ALPL: variants seen among roughly 807,000 people sequenced by gnomAD.
The protein encoded by ALPL is alkaline phosphatase, tissue-nonspecific isozyme.
In ALPL, 42 loss-of-function variants were observed where a neutral mutation model predicts 51.3. The observed-to-expected ratio is 0.82, with a 90% confidence interval of 0.64 to 1.06. The LOEUF (loss-of-function observed/expected upper bound fraction) is 1.06, where lower values mean the gene tolerates loss of function less well. Among genes scored for constraint, ALPL ranks in the 50% least tolerant of loss-of-function variants. The pLI is 0.00. For synonymous variants in ALPL, 279 were observed against 296.4 expected, an observed-to-expected ratio of 0.94 and a Z score of 0.60; for missense variants, 589 against 709.4, an observed-to-expected ratio of 0.83 and a Z score of 1.93.
At chr1:21,555,866 G>C (rs1644406450) in intron 2 of ALPL, among the ~76,000 whole-genome samples, 1 of 151,896 alleles carries the variant, frequency 6.6e-6, no homozygotes, top group Admixed American at 6.6e-5. Flanking sequence ...CATCTCCCGG[G>C]TTCACGCCAT....
Position 21,577,462 on chromosome 1 carries a change from C to G in ALPL, c.1389C>G (p.Ser463=), listed in dbSNP as rs1045476437. 1 of 1,611,164 alleles carries G rather than the reference C, an allele frequency of 6.2e-7. No individual in the cohort carries two copies. Among genetic ancestry groups the G allele is most frequent in the Non-Finnish European group, 8.5e-7 (1 of 1,179,948 alleles). ...THGGEDVAVF[S]KGPMAHLLHG... is the part of the protein sequence containing the mutation. The stretch of plus-strand genomic sequence containing the variant: ...GCGGGGAGGACGTGGCCGTCTTCTC[C>G]AAGGGCCCCATGGCGCACCTGCTGC... Residue 463 remains serine, a synonymous_variant, in exon 12 of 12, where the codon TCC becomes TCG. Coordinates refer to ENST00000374840, the MANE Select transcript of ALPL (RefSeq NM_000478.6).
chr1:21,563,416 TCTG>T, intron 5 of ALPL, 132 bp downstream of exon 5: 1 of 1,163,632 alleles, frequency 8.6e-7, no homozygotes, highest in South Asian at 1.6e-5. Flanking sequence ...ATGCTGGGAG[TCTG>T]TAATATCCAT....
At chr1:21,561,671 T>C in intron 4 of ALPL, among the ~76,000 whole-genome samples, 1 of 139,104 alleles carries the variant, frequency 7.2e-6, no homozygotes, top group Non-Finnish European at 1.5e-5. Flanking sequence ...TATGCCTTTT[T>C]TTTTTTTTTT....
In ALPL at chr1:21,577,776, A is replaced by C; in HGVS notation, c.*128A>C. On this transcript the variant is annotated 3_prime_UTR_variant, in exon 12 of 12. Coordinates refer to ENST00000374840, the MANE Select transcript of ALPL (RefSeq NM_000478.6). ...GCAACTGCAAGAAAGGGGACCCAAG[A>C]AACCAAAGTCTGCCGCCCACCTCGC... 2 of 1,259,240 alleles carry C rather than the reference A, an allele frequency of 1.6e-6. No individual in the cohort carries two copies. The highest frequency in any genetic ancestry group is 1.4e-5 in the South Asian group (1 of 69,018). 78.0% of individuals were successfully genotyped at this position (1,259,240 alleles called of 1,614,324 possible).
rs751498778 is a variant in ALPL, at chr1:21,577,372, C to T, written c.1310-11C>T. Reference sequence around the variant, plus strand: ...GGCAGGCTCTCAGCAGGTGTTTCCCCTGGCCCACAGCTCACAACAACTACC... The same window carrying T: ...GGCAGGCTCTCAGCAGGTGTTTCCCTTGGCCCACAGCTCACAACAACTACC... On this transcript the variant is annotated splice_polypyrimidine_tract_variant and intron_variant, in intron 11 of 11. Coordinates refer to ENST00000374840, the MANE Select transcript of ALPL (RefSeq NM_000478.6). 5.0e-6 allele frequency: 8 copies of T among 1,613,242 alleles called. No individual in the cohort carries two copies. Among genetic ancestry groups the T allele is most frequent in the African/African-American group, 1.3e-5 (1 of 75,072 alleles).
At chr1:21,552,114 T>TCCCCCCCCCCCCCCCCCCC (rs1244827813) in intron 1 of ALPL, among the ~76,000 whole-genome samples, 16 of 51,432 alleles carry the variant, frequency 3.1e-4, no homozygotes, top group South Asian at 1.2e-3. Context: ...TTTCCTCCCC[T>TCCCCCCCCCCCCCCCCCCC]TCCCTTTCCT....
intron 4 of ALPL, among the ~76,000 whole-genome samples, chr1:21,562,854 C>T (rs1422692417): frequency 2.0e-5 from 3 of 152,192 alleles, no homozygotes; most frequent in African/African-American, 4.8e-5. Flanking sequence ...CCCAATCTTC[C>T]GCCGGACACT....
intron 1 of ALPL, among the ~76,000 whole-genome samples, chr1:21,513,237 G>A (rs869180): frequency 0.28 from 42,120 of 151,914 alleles, 6,434 homozygotes; most frequent in East Asian, 0.49. Flanking sequence ...GAAGAGGCTT[G>A]CCCAGGGTCA....
At chr1:21,565,657 G>A (rs1644553324) in intron 6 of ALPL, among the ~76,000 whole-genome samples, 1 of 151,958 alleles carries the variant, frequency 6.6e-6, no homozygotes, top group Admixed American at 6.6e-5. Flanking sequence ...CACAAGCCAG[G>A]GAGTGAGTGA....
At chr1:21,565,045 T>C (rs1275336174) in intron 6 of ALPL, among the ~76,000 whole-genome samples, 1 of 152,156 alleles carries the variant, frequency 6.6e-6, no homozygotes, top group Non-Finnish European at 1.5e-5. Flanking sequence ...TCTGGGGACT[T>C]CTGCCCCTTG....
At position 21,568,568 on chromosome 1, in the gene ALPL, T is replaced by C. The variant is rs1256330; in HGVS notation, c.792+321T>C. ...GCATGCGTGAGGCACAGAGGCTGAG[T>C]CAGATGGCCAAGGAAACATGGAATG... On this transcript the variant is annotated intron_variant, in intron 7 of 11. Transcript: ENST00000374840. Among the ~76,000 whole-genome samples the C allele has an allele frequency of 0.69, 105,168 of 151,826 alleles. 36,467 individuals carry two copies. The highest frequency in any genetic ancestry group is 0.78 in the East Asian group (3,958 of 5,104).
rs1242790164 is a variant in ALPL at position 21,564,508 on chromosome 1, C to T, written c.648+292C>T. 1.3e-5 allele frequency among the ~76,000 whole-genome samples: 2 copies of T among 152,214 alleles called. No homozygotes were observed. The highest frequency in any genetic ancestry group is 2.9e-5 in the Non-Finnish European group (2 of 68,048). On this transcript the variant is annotated intron_variant, in intron 6 of 11. Transcript: ENST00000374840. The surrounding 1 kb of genome is among the most constrained non-coding windows in gnomAD (Gnocchi z 5.8). ...TGGTGCTGTGCCCTCCTCTGCCCCC[C>T]ACTACACGGGAGGTGGTGATGGCCA... is the stretch of plus-strand genomic sequence containing the variant.
intron 1 of ALPL, among the ~76,000 whole-genome samples, chr1:21,522,418 G>A (rs1273400840): frequency 6.6e-6 from 1 of 152,186 alleles, no homozygotes; most frequent in Non-Finnish European, 1.5e-5. Context: ...GTTCTAAGCA[G>A]CTCACATGTA....
At position 21,575,031 on chromosome 1, in the gene ALPL, C is replaced by T. The variant is rs377230936; in HGVS notation, c.998-702C>T. ...GCCTCCAGCCAGGCCCCTGCACTCACCCGGAGGTGGGAAGCGGGGGCGGAG... is the reference window on the plus strand; with the variant it reads ...GCCTCCAGCCAGGCCCCTGCACTCATCCGGAGGTGGGAAGCGGGGGCGGAG... On this transcript the variant is annotated intron_variant, in intron 9 of 11. Coordinates refer to ENST00000374840, the MANE Select transcript of ALPL (RefSeq NM_000478.6). 9.8e-5 allele frequency among the ~76,000 whole-genome samples: 15 copies of T among 152,370 alleles called. No homozygotes were observed. The East Asian group carries it at 1.7e-3, about 18-fold the overall frequency.
chr1:21,515,814 C>T (rs1643786941), intron 1 of ALPL, among the ~76,000 whole-genome samples: 1 of 152,078 alleles, frequency 6.6e-6, no homozygotes, highest in African/African-American at 2.4e-5. Flanking sequence ...CTGGCTGTCA[C>T]TGAAGTGTCT....
chr1:21,576,817 CCTT>C (rs1644744121), intron 11 of ALPL, among the ~76,000 whole-genome samples, 176 bp downstream of exon 11: 1 of 152,058 alleles, frequency 6.6e-6, no homozygotes, highest in Non-Finnish European at 1.5e-5. Flanking sequence ...GTTTGAATCG[CCTT>C]CTACAATCTA....
chr1:21,563,068 C>T (rs112855382), intron 4 of ALPL, 42 bp from the exon 5 acceptor site: 52 of 1,611,546 alleles, frequency 3.2e-5, no homozygotes, highest in Non-Finnish European at 4.1e-5. Context: ...GCCACTGGGG[C>T]GAAGGCCTGG....
intron 4 of ALPL, among the ~76,000 whole-genome samples, chr1:21,562,900 T>G (rs1277297377): frequency 1.3e-5 from 2 of 152,176 alleles, no homozygotes; most frequent in Non-Finnish European, 2.9e-5. Context: ...CCTGCCCCAG[T>G]GCTGCCAGGG....
At chr1:21,569,790 T>C (rs979472119) in intron 7 of ALPL, among the ~76,000 whole-genome samples, 1 of 152,138 alleles carries the variant, frequency 6.6e-6, no homozygotes, top group African/African-American at 2.4e-5. Context: ...TCTGTGGACT[T>C]TATTCCCTGG....
Sources: allele counts gnomAD v4.1 joint callset (sites outside exome capture counted in the v4.1 genomes callset), GRCh38; gene constraint gnomAD v4.1.1; non-coding constraint Gnocchi (gnomAD v3.1); transcripts MANE v1.5; gene names NCBI Gene and HGNC (gene_info 2026-07-23, HGNC 2026-07-21).